TTLL11: variants seen among roughly 807,000 people sequenced by gnomAD.
The protein encoded by TTLL11 is tubulin polyglutamylase TTLL11.
A neutral mutation model predicts 51.7 loss-of-function variants in TTLL11; 42 were observed. The observed-to-expected ratio is 0.81, with a 90% confidence interval of 0.64 to 1.05. The LOEUF is 1.05. Ranked by LOEUF, TTLL11 falls within the 50% of genes least tolerant of loss-of-function variation. The probability of loss-of-function intolerance (pLI) is 0.00; values close to 1 mark genes in which losing one functional copy is unlikely to be tolerated. For synonymous variants in TTLL11, 381 were observed against 383.5 expected (o/e 0.99, Z 0.08); for missense variants, 799 against 940.4 (o/e 0.85, Z 1.97).
At chr9:121,933,104 G>T (rs1841057437) in intron 6 of TTLL11, among the ~76,000 whole-genome samples, 1 of 152,194 alleles carries the variant, frequency 6.6e-6, no homozygotes, top group African/African-American at 2.4e-5. Context: ...TAACACGGCG[G>T]ACAGTAGAGG....
intron 6 of TTLL11, among the ~76,000 whole-genome samples, chr9:121,895,818 T>A: frequency 1.7e-5 from 1 of 59,960 alleles, no homozygotes; most frequent in Admixed American, 1.8e-4. Context: ...GTTTTGTGTG[T>A]TTGTGTATGT....
At chr9:121,960,619 AACCT>A (rs1842190627) in intron 6 of TTLL11, among the ~76,000 whole-genome samples, 1 of 152,158 alleles carries the variant, frequency 6.6e-6, no homozygotes. Flanking sequence ...TCTAGCACAG[AACCT>A]ACATGTAGCA....
intron 6 of TTLL11, among the ~76,000 whole-genome samples, chr9:121,878,183 G>A (rs1410800876): frequency 2.0e-5 from 3 of 152,236 alleles, no homozygotes; most frequent in Non-Finnish European, 2.9e-5. Flanking sequence ...GTGGGGTGGC[G>A]TGAGGCTAAA....
At chr9:122,048,083 C>T (rs1845066208) in intron 1 of TTLL11, among the ~76,000 whole-genome samples, 1 of 152,192 alleles carries the variant, frequency 6.6e-6, no homozygotes, top group Admixed American at 6.5e-5. Context: ...CAGCCTCCTC[C>T]CCCATCTCCC....
intron 6 of TTLL11, among the ~76,000 whole-genome samples, chr9:121,950,894 G>C (rs755933595): frequency 6.6e-6 from 1 of 152,096 alleles, no homozygotes; most frequent in Non-Finnish European, 1.5e-5. Context: ...ATAGGGTTAC[G>C]GTAAAAATTA....
At chr9:121,953,356 G>T (rs958474683) in intron 6 of TTLL11, among the ~76,000 whole-genome samples, 4 of 152,156 alleles carry the variant, frequency 2.6e-5, no homozygotes, top group Non-Finnish European at 5.9e-5. Flanking sequence ...AAAGCAGCCA[G>T]GCACTGTGGC....
chr9:121,861,201 A>G (rs1458303952), intron 7 of TTLL11, among the ~76,000 whole-genome samples: 1 of 150,042 alleles, frequency 6.7e-6, no homozygotes, highest in Non-Finnish European at 1.5e-5. Flanking sequence ...AGTTCTCCCT[A>G]CGTCTGTCCC....
intron 3 of TTLL11, among the ~76,000 whole-genome samples, chr9:122,004,833 T>C (rs1843592401): frequency 6.6e-6 from 1 of 152,240 alleles, no homozygotes; most frequent in Non-Finnish European, 1.5e-5. Context: ...CTGCTCACAC[T>C]TGAGTAGTCT....
chr9:121,822,611 G>T lies in TTLL11; in HGVS notation c.2109C>A (p.Ser703=). The change falls in exon 9 of 9, where the codon TCC becomes TCA. Residue 703 remains serine, a synonymous_variant. Coordinates refer to ENST00000321582, the MANE Select transcript of TTLL11 (RefSeq NM_001139442.2). The surrounding 1 kb of genome is among the most constrained non-coding windows in gnomAD (Gnocchi z 5.8). ...CTCAGGACAGGGTATGTCTGGGATG[G>T]GAGAGCTTATTGGCACAGCTGGTGC... ...PPRTSCANKL[S]HPRHTLS 6.8e-7 allele frequency: 1 copy of T among 1,479,018 alleles called. No homozygotes were observed. The highest frequency in any genetic ancestry group is 9.0e-7 in the Non-Finnish European group (1 of 1,114,708). 91.6% of individuals were successfully genotyped at this position (1,479,018 alleles called of 1,614,324 possible).
intron 8 of TTLL11, among the ~76,000 whole-genome samples, chr9:121,843,915 C>T (rs1837434918): frequency 6.6e-6 from 1 of 152,200 alleles, no homozygotes; most frequent in East Asian, 1.9e-4. Flanking sequence ...CTCACATGAT[C>T]TTCCTGCCTC....
intron 1 of TTLL11, among the ~76,000 whole-genome samples, chr9:122,083,173 C>A (rs77409420): frequency 6.6e-6 from 1 of 152,018 alleles, no homozygotes; most frequent in Non-Finnish European, 1.5e-5. Flanking sequence ...GGTGGGACTG[C>A]GCATCCCCCA....
At chr9:121,844,412 T>G (rs971250980) in intron 8 of TTLL11, among the ~76,000 whole-genome samples, 5 of 152,172 alleles carry the variant, frequency 3.3e-5, no homozygotes, top group Non-Finnish European at 7.3e-5. Flanking sequence ...AACCTCACAC[T>G]GAAAGCCTGA....
In TTLL11 at chr9:121,816,399, G is replaced by A. The variant is rs2119088312; in HGVS notation, c.*6188C>T. Reference sequence around the variant, plus strand: ...ACATGTTTCCCGTGAGCCTCTTGGTGAGCACAAGACACTACCGCAGGGCTG... The same window carrying A: ...ACATGTTTCCCGTGAGCCTCTTGGTAAGCACAAGACACTACCGCAGGGCTG... On this transcript the variant is annotated 3_prime_UTR_variant, in exon 9 of 9. Coordinates refer to ENST00000321582, the MANE Select transcript of TTLL11 (RefSeq NM_001139442.2). 6.6e-6 allele frequency: 1 copy of A among 152,340 alleles called. No individual in the cohort carries two copies. Among genetic ancestry groups the A allele is most frequent in the Admixed American group, 6.5e-5 (1 of 15,304 alleles). The allele number at this position is 152,340 out of a possible 1,614,324, so 9.4% of individuals were successfully genotyped here.
At position 121,974,069 on chromosome 9, in the gene TTLL11, A is replaced by G; in HGVS notation, c.1421T>C (p.Val474Ala). 1 of 1,551,722 alleles carries G rather than the reference A, an allele frequency of 6.4e-7. No homozygotes were observed. ...GCGCAGAGTGTCTCTGATCACAGCC[A>G]CTTTCACTTCTTCATCAACGAGGCT... ...VPSLVDEEVK[V>A]AVIRDTLRLM... The change falls in exon 6 of 9, where the codon GTG becomes GCG. Residue 474 changes from valine (V) to alanine (A), a missense_variant. Physicochemically the swap from Val to Ala is moderately conservative, Grantham distance 64. This residue lies in a region of TTLL11 where 468 missense variants were observed against 612.8 expected (regional missense o/e 0.76). Transcript: ENST00000321582.
chr9:121,994,354 G>A (rs1387741100), intron 3 of TTLL11, among the ~76,000 whole-genome samples: 1 of 152,112 alleles, frequency 6.6e-6, no homozygotes, highest in African/African-American at 2.4e-5. Flanking sequence ...GATTGGCAGG[G>A]GCCAGATAAT....
chr9:121,901,165 T>A (rs1222682184), intron 6 of TTLL11, among the ~76,000 whole-genome samples: 2 of 152,256 alleles, frequency 1.3e-5, no homozygotes, highest in Admixed American at 1.3e-4. Flanking sequence ...TAGAAAATAC[T>A]ACTGATTTTT....
chr9:121,825,541 C>T (rs1379157090), intron 8 of TTLL11, among the ~76,000 whole-genome samples: 2 of 152,174 alleles, frequency 1.3e-5, no homozygotes, highest in East Asian at 3.8e-4. Context: ...CTGGCTCAGG[C>T]GTCTTGTCCA....
intron 8 of TTLL11, among the ~76,000 whole-genome samples, chr9:121,855,914 C>A (rs1315342969): frequency 6.6e-6 from 1 of 152,172 alleles, no homozygotes; most frequent in Non-Finnish European, 1.5e-5. Context: ...CTCACAGCAA[C>A]CTTCCTCTGT....
intron 6 of TTLL11, among the ~76,000 whole-genome samples, chr9:121,970,810 A>C (rs971488604): frequency 6.6e-6 from 1 of 152,250 alleles, no homozygotes; most frequent in Admixed American, 6.5e-5. Flanking sequence ...AAGGATCTAG[A>C]ACCAGAAATA....
Sources: allele counts gnomAD v4.1 joint callset (sites outside exome capture counted in the v4.1 genomes callset), GRCh38; gene constraint gnomAD v4.1.1; regional missense constraint gnomAD v4.1.1; non-coding constraint Gnocchi (gnomAD v3.1); transcripts MANE v1.5; gene names NCBI Gene and HGNC (gene_info 2026-07-23, HGNC 2026-07-21).